SLC4A4: variants seen among roughly 807,000 people sequenced by gnomAD.
The protein encoded by SLC4A4 is electrogenic sodium bicarbonate cotransporter 1.
In SLC4A4, 27 loss-of-function variants were observed where a neutral mutation model predicts 111.5. The ratio of observed to expected loss-of-function variants is 0.24; its 90% CI spans 0.18 to 0.33. The LOEUF (loss-of-function observed/expected upper bound fraction) is 0.33, where lower values mean the gene tolerates loss of function less well. Among genes scored for constraint, SLC4A4 ranks in the 10% least tolerant of loss-of-function variants. The pLI, the probability that SLC4A4 is intolerant of heterozygous loss-of-function variation, is 1.00. For missense variants in SLC4A4, 909 were observed against 1,315.5 expected, an observed-to-expected ratio of 0.69 and a Z score of 4.78; for synonymous variants, 443 against 463.4, an observed-to-expected ratio of 0.96 and a Z score of 0.57.
chr4:71,103,629 G>A (rs201266981), intron 2 of SLC4A4, among the ~76,000 whole-genome samples: 12 of 152,076 alleles, frequency 7.9e-5, no homozygotes, highest in Non-Finnish European at 1.3e-4. Context: ...ACTCAAAACC[G>A]CTCAACTACA....
At chr4:71,447,859 C>T (rs958520931) in intron 9 of SLC4A4, 126 bp downstream of exon 9, 15 of 738,078 alleles carry the variant, frequency 2.0e-5, no homozygotes, top group Middle Eastern at 2.3e-4. Context: ...GCATGAGGTA[C>T]GGTCATTTGA....
intron 1 of SLC4A4, among the ~76,000 whole-genome samples, chr4:71,219,081 AAGTG>A (rs753281101): frequency 1.2e-4 from 18 of 152,302 alleles, no homozygotes; most frequent in Non-Finnish European, 2.4e-4. Flanking sequence ...AAGAGCCTCT[AAGTG>A]TTCAAGTGAA....
intron 16 of SLC4A4, among the ~76,000 whole-genome samples, chr4:71,506,436 A>C (rs1731425640): frequency 6.6e-6 from 1 of 151,906 alleles, no homozygotes; most frequent in African/African-American, 2.4e-5. Flanking sequence ...TAGGTATTTT[A>C]TTCTTTTTGT....
At chr4:71,365,120 CAT>C (rs1731128802) in intron 6 of SLC4A4, among the ~76,000 whole-genome samples, 1 of 152,092 alleles carries the variant, frequency 6.6e-6, no homozygotes, top group Non-Finnish European at 1.5e-5. Flanking sequence ...ATGTAATAAA[CAT>C]ATTTTTAAAT....
chr4:71,509,442 C>G (rs911681595), intron 16 of SLC4A4, among the ~76,000 whole-genome samples: 4 of 150,532 alleles, frequency 2.7e-5, no homozygotes, highest in Admixed American at 1.3e-4. Context: ...CTTAGGGTGT[C>G]ATTTGGTATA....
intron 7 of SLC4A4, among the ~76,000 whole-genome samples, chr4:71,421,451 T>C (rs1348700178): frequency 1.3e-5 from 2 of 152,004 alleles, no homozygotes; most frequent in Non-Finnish European, 2.9e-5. Flanking sequence ...AACAAGGATA[T>C]CCAGGAATTG....
intron 3 of SLC4A4, among the ~76,000 whole-genome samples, chr4:71,314,775 G>A (rs1303287388): frequency 6.6e-6 from 1 of 151,956 alleles, no homozygotes; most frequent in Non-Finnish European, 1.5e-5. Context: ...CGGGGAGTGG[G>A]GTGCAAGGGG....
At chr4:71,506,974 A>G (rs1731477458) in intron 16 of SLC4A4, among the ~76,000 whole-genome samples, 1 of 152,202 alleles carries the variant, frequency 6.6e-6, no homozygotes, top group African/African-American at 2.4e-5. Context: ...TGAACCTAGA[A>G]TATTGTATCT....
chr4:71,162,898 T>C (rs1219352051), intron 2 of SLC4A4, among the ~76,000 whole-genome samples: 1 of 152,224 alleles, frequency 6.6e-6, no homozygotes, highest in Non-Finnish European at 1.5e-5. Context: ...TTTTGTTGTA[T>C]ATGCCATGTT....
At chr4:71,366,549 G>A (rs1452890952) in intron 6 of SLC4A4, among the ~76,000 whole-genome samples, 1 of 152,084 alleles carries the variant, frequency 6.6e-6, no homozygotes, top group Non-Finnish European at 1.5e-5. Context: ...TCATCAGATT[G>A]TGGTAATATA....
At chr4:71,163,173 C>T (rs1409124950) in intron 2 of SLC4A4, among the ~76,000 whole-genome samples, 1 of 152,154 alleles carries the variant, frequency 6.6e-6, no homozygotes, top group Non-Finnish European at 1.5e-5. Context: ...TTAATCTTCA[C>T]TTTTACTTCA....
At chr4:71,264,666 T>G (rs936112670) in intron 3 of SLC4A4, among the ~76,000 whole-genome samples, 4 of 152,130 alleles carry the variant, frequency 2.6e-5, no homozygotes, top group Admixed American at 6.6e-5. Context: ...TGAGCAACTA[T>G]AAAATCCTAA....
intron 7 of SLC4A4, among the ~76,000 whole-genome samples, chr4:71,425,213 G>T (rs1723009303): frequency 6.6e-6 from 1 of 152,132 alleles, no homozygotes; most frequent in Non-Finnish European, 1.5e-5. Flanking sequence ...GATCATCGGA[G>T]AAATGTGTAC....
At chr4:71,132,282 AC>A (rs1180061024) in intron 2 of SLC4A4, among the ~76,000 whole-genome samples, 1 of 151,992 alleles carries the variant, frequency 6.6e-6, no homozygotes, top group Non-Finnish European at 1.5e-5. Flanking sequence ...TTATTAATCC[AC>A]CCCTTCTCCA....
intron 12 of SLC4A4, among the ~76,000 whole-genome samples, chr4:71,463,384 A>C (rs1727017120): frequency 1.3e-5 from 2 of 152,216 alleles, no homozygotes; most frequent in South Asian, 4.1e-4. Context: ...CTTTACAGTT[A>C]AACTACAGTT....
At chr4:71,161,684 TTGAA>T (rs1302955364) in intron 2 of SLC4A4, among the ~76,000 whole-genome samples, 1 of 152,156 alleles carries the variant, frequency 6.6e-6, no homozygotes, top group African/African-American at 2.4e-5. Flanking sequence ...CTATTAACTG[TTGAA>T]TGAATGAATG....
At chr4:71,384,360 G>A (rs997881273) in intron 6 of SLC4A4, among the ~76,000 whole-genome samples, 6 of 152,160 alleles carry the variant, frequency 3.9e-5, no homozygotes, top group African/African-American at 1.4e-4. Context: ...TGGGTCCAGA[G>A]GTGTTTGTGC....
intron 6 of SLC4A4, among the ~76,000 whole-genome samples, chr4:71,378,155 G>A (rs1457877610): frequency 1.3e-5 from 2 of 152,106 alleles, no homozygotes; most frequent in East Asian, 3.9e-4. Context: ...GATTTGGGTG[G>A]GGACACAGCC....
intron 2 of SLC4A4, among the ~76,000 whole-genome samples, chr4:71,179,254 A>T (rs1433673966): frequency 6.6e-6 from 1 of 152,202 alleles, no homozygotes; most frequent in Non-Finnish European, 1.5e-5. Context: ...TATCATACTG[A>T]ATGGGCAAAA....
Sources: gnomAD v4.1 joint callset for allele counts (sites outside exome capture counted in the v4.1 genomes callset) on GRCh38, gnomAD v4.1.1 for gene constraint, MANE v1.5 for transcripts, NCBI Gene and HGNC (gene_info 2026-07-23, HGNC 2026-07-21) for gene names.